Variants in SMAD2 observed in about 807,000 individuals in gnomAD.
SMAD2 encodes SMAD family member 2, also known as MAD homolog 2.
Under a neutral mutation model 64.4 loss-of-function variants are expected in SMAD2, and 8 were observed. The ratio of observed to expected loss-of-function variants is 0.12; its 90% CI spans 0.07 to 0.22. The LOEUF (loss-of-function observed/expected upper bound fraction) is 0.22. Among genes scored for constraint, SMAD2 ranks in the 10% least tolerant of loss-of-function variants. The pLI is 1.00. For missense variants in SMAD2, 289 were observed against 561.2 expected (o/e 0.51, Z 4.90); for synonymous variants, 203 against 195.8 (o/e 1.04, Z -0.31).
At position 47,829,167 on chromosome 18, in the gene SMAD2, G is replaced by C. The variant is rs1348952960; in HGVS notation, c.*12660C>G. ...AGAAGACGTGGCAATGCACCTGATG[G>C]AGACGTTTAATTTCTTCACTACAAG... On this transcript the variant is annotated 3_prime_UTR_variant, in exon 11 of 11. Coordinates refer to ENST00000262160, the MANE Select transcript of SMAD2 (RefSeq NM_005901.6). 1 of 152,032 alleles carries C rather than the reference G, an allele frequency of 6.6e-6. No individual in the cohort carries two copies. The highest frequency in any genetic ancestry group is 2.4e-5 in the African/African-American group (1 of 41,396). 9.4% of individuals were successfully genotyped at this position (152,032 alleles called of 1,614,324 possible).
Position 47,820,386 on chromosome 18 carries a change from G to T in SMAD2, c.*21441C>A, listed in dbSNP as rs1912527237. 6.6e-6 allele frequency: 1 copy of T among 152,100 alleles called. No homozygotes were observed. Among genetic ancestry groups the T allele is most frequent in the Non-Finnish European group, 1.5e-5 (1 of 68,006 alleles). 9.4% of individuals were successfully genotyped at this position (152,100 alleles called of 1,614,324 possible). ...TGTACCCAAAAAAAGATGTTTTGAT[G>T]AGAAAAGTTATAAGGCATAAAAATT... On this transcript the variant is annotated 3_prime_UTR_variant, in exon 11 of 11. Transcript: ENST00000262160.
intron 1 of SMAD2, among the ~76,000 whole-genome samples, chr18:47,906,048 G>A (rs547455956): frequency 2.5e-4 from 38 of 152,034 alleles, no homozygotes; most frequent in Non-Finnish European, 1.6e-4. Flanking sequence ...CAGGGGTGCG[G>A]AGGCTGCAGT....
chr18:47,904,013 A>C (rs2033804016), intron 1 of SMAD2, among the ~76,000 whole-genome samples: 1 of 151,978 alleles, frequency 6.6e-6, no homozygotes, highest in Non-Finnish European at 1.5e-5. Flanking sequence ...AAGAGATGAC[A>C]GATATTAATC....
intron 2 of SMAD2, among the ~76,000 whole-genome samples, chr18:47,872,955 A>T (rs2144392923): frequency 6.6e-6 from 1 of 152,290 alleles, no homozygotes; most frequent in East Asian, 1.9e-4. Flanking sequence ...TTGACCTCCC[A>T]GCCTCAAGTA....
intron 1 of SMAD2, among the ~76,000 whole-genome samples, chr18:47,899,058 G>A (rs1435805327): frequency 1.3e-5 from 2 of 152,088 alleles, no homozygotes; most frequent in African/African-American, 4.8e-5. Context: ...GTTTTTAAGG[G>A]CAGAGAGATC....
Position 47,853,426 on chromosome 18 carries a change from C to T in SMAD2, c.731-2099G>A, listed in dbSNP as rs2030331770. The T allele has an allele frequency of 3.6e-5, 4 of 110,074 alleles. 1 individual carries two copies. The highest frequency in any genetic ancestry group is 5.6e-5 in the Non-Finnish European group (4 of 71,862). 6.8% of individuals were successfully genotyped at this position (110,074 alleles called of 1,614,324 possible). ...TACTCGATTGTCAAAGTCAAGGAGT[C>T]GCAGGTCGCCTCGCTTGAATCCAGG... On this transcript the variant is annotated intron_variant, in intron 6 of 10. Coordinates refer to ENST00000262160, the MANE Select transcript of SMAD2 (RefSeq NM_005901.6).
In SMAD2 at chr18:47,840,483, A is replaced by C; in HGVS notation, c.*1344T>G. The C allele has an allele frequency of 4.3e-6, 1 of 232,690 alleles. No individual in the cohort carries two copies. Among genetic ancestry groups the C allele is most frequent in the Non-Finnish European group, 8.5e-6 (1 of 117,646 alleles). The allele number at this position is 232,690 out of a possible 1,614,324, so 14.4% of individuals were successfully genotyped here. On this transcript the variant is annotated 3_prime_UTR_variant, in exon 11 of 11. Transcript: ENST00000262160. ...ATCAGTTAAGAACAGCTCAGACTGCAGGTAACTTATAAGCTAAAAAACTTG... is the reference window on the plus strand; with the variant it reads ...ATCAGTTAAGAACAGCTCAGACTGCCGGTAACTTATAAGCTAAAAAACTTG...
Position 47,839,878 on chromosome 18 carries a change from A to G in SMAD2, c.*1949T>C, listed in dbSNP as rs1913774173. 4.3e-6 allele frequency: 1 copy of G among 233,016 alleles called. No individual in the cohort carries two copies. The highest frequency in any genetic ancestry group is 2.2e-5 in the African/African-American group (1 of 45,314). 14.4% of individuals were successfully genotyped at this position (233,016 alleles called of 1,614,324 possible). On this transcript the variant is annotated 3_prime_UTR_variant, in exon 11 of 11. Coordinates refer to ENST00000262160, the MANE Select transcript of SMAD2 (RefSeq NM_005901.6). ...GTTAGCTCATGCATCCTTTCCTTAG[A>G]GGCTTTCCTTGATGTCCTACCTGAA...
rs189376447 is a variant in SMAD2, at chr18:47,869,165, G to A, written c.520+78C>T. On this transcript the variant is annotated intron_variant, in intron 4 of 10. Transcript: ENST00000262160. ...TTAGAATTTACACTAAAATTTTCCT[G>A]GGTCACAAGAGTACTTAAATATACT... 2.1e-5 allele frequency: 21 copies of A among 1,008,306 alleles called. No homozygotes were observed. In the African/African-American group the frequency reaches 3.0e-4, roughly 15 times the overall value. 62.5% of individuals were successfully genotyped at this position (1,008,306 alleles called of 1,614,324 possible). A position where few individuals can be genotyped will look rare whatever the true frequency, so the allele number is the denominator to read the frequency against.
Position 47,815,476 on chromosome 18 carries a change from C to T in SMAD2, c.*26351G>A, listed in dbSNP as rs1252625074. On this transcript the variant is annotated 3_prime_UTR_variant, in exon 11 of 11. Transcript: ENST00000262160. ...TTTGGGTTTTCTGAAAATGCAGATC[C>T]CAGTGCTCCAATTCCAGACCTGCTA... 1 of 152,184 alleles carries T rather than the reference C, an allele frequency of 6.6e-6. No homozygotes were observed. Among genetic ancestry groups the T allele is most frequent in the Non-Finnish European group, 1.5e-5 (1 of 68,028 alleles). 9.4% of individuals were successfully genotyped at this position (152,184 alleles called of 1,614,324 possible).
At chr18:47,843,170 A>T (rs1205468272) in intron 10 of SMAD2, among the ~76,000 whole-genome samples, 1 of 152,210 alleles carries the variant, frequency 6.6e-6, no homozygotes, top group African/African-American at 2.4e-5. Context: ...TGATATACCC[A>T]AAAAGGCTAG....
Position 47,832,439 on chromosome 18 carries a change from C to T in SMAD2, c.*9388G>A, listed in dbSNP as rs1913032515. On this transcript the variant is annotated 3_prime_UTR_variant, in exon 11 of 11. Coordinates refer to ENST00000262160, the MANE Select transcript of SMAD2 (RefSeq NM_005901.6). ...TAATAAAAAAGTGTTGATAAAACTA[C>T]ACCAGTCCCAAGGCTATTCAATGCC... 1 of 152,164 alleles carries T rather than the reference C, an allele frequency of 6.6e-6. No homozygotes were observed. The highest frequency in any genetic ancestry group is 2.1e-4 in the South Asian group (1 of 4,830). 9.4% of individuals were successfully genotyped at this position (152,164 alleles called of 1,614,324 possible).
In SMAD2 at chr18:47,898,949, T is replaced by C. The variant is rs543781522; in HGVS notation, c.-53-2140A>G. Among the ~76,000 whole-genome samples, 260 of 152,180 alleles carry C rather than the reference T, an allele frequency of 1.7e-3. 1 individual carries two copies. The highest frequency in any genetic ancestry group is 2.8e-3 in the Non-Finnish European group (189 of 67,996). ...CCTGTTTATTCTCAAATCCAGTCTG[T>C]GTTATTCATCTGCAAACTACACTGT... On this transcript the variant is annotated intron_variant, in intron 1 of 10. Transcript: ENST00000262160.
At chr18:47,887,645 T>C (rs1273126535) in intron 2 of SMAD2, among the ~76,000 whole-genome samples, 1 of 152,204 alleles carries the variant, frequency 6.6e-6, no homozygotes, top group Non-Finnish European at 1.5e-5. Context: ...TTCTTCCACC[T>C]TTGACCCATC....
In SMAD2 at chr18:47,838,051, G is replaced by A. The variant is rs1913599974; in HGVS notation, c.*3776C>T. 1 of 232,984 alleles carries A rather than the reference G, an allele frequency of 4.3e-6. No homozygotes were observed. The highest frequency in any genetic ancestry group is 2.2e-5 in the African/African-American group (1 of 45,276). 14.4% of individuals were successfully genotyped at this position (232,984 alleles called of 1,614,324 possible). On this transcript the variant is annotated 3_prime_UTR_variant, in exon 11 of 11. Coordinates refer to ENST00000262160, the MANE Select transcript of SMAD2 (RefSeq NM_005901.6). ...AGGTATATATGGGAAGCTTTTAAGA[G>A]GTAGAGAAACCAACTGGGTATATAT...
chr18:47,910,279 C>T (rs977669250), intron 1 of SMAD2, among the ~76,000 whole-genome samples: 10 of 151,820 alleles, frequency 6.6e-5, no homozygotes, highest in East Asian at 1.9e-4. Context: ...CAGAAGACGA[C>T]GTAACAGAGA....
chr18:47,872,219 T>C (rs1473701612), intron 2 of SMAD2, among the ~76,000 whole-genome samples: 1 of 152,192 alleles, frequency 6.6e-6, no homozygotes, highest in East Asian at 1.9e-4. Context: ...CCTAACAAAA[T>C]TGGAAGGTTT....
rs545280347 is a variant in SMAD2, at chr18:47,841,205, G to T, written c.*622C>A. The stretch of plus-strand genomic sequence containing the variant: ...AAAGAATGACTGTTTAAGCCCCACT[G>T]AACACATTAAGGTCAAGGATTTCAA... On this transcript the variant is annotated 3_prime_UTR_variant, in exon 11 of 11. Coordinates refer to ENST00000262160, the MANE Select transcript of SMAD2 (RefSeq NM_005901.6). 138 of 231,752 alleles carry T rather than the reference G, an allele frequency of 6.0e-4. No individual in the cohort carries two copies. The highest frequency in any genetic ancestry group is 3.9e-3 in the Middle Eastern group (3 of 778). The allele number at this position is 231,752 out of a possible 1,614,324, so 14.4% of individuals were successfully genotyped here.
rs1289496077 is a variant in SMAD2 at position 47,836,204 on chromosome 18, T to C, written c.*5623A>G. On this transcript the variant is annotated 3_prime_UTR_variant, in exon 11 of 11. Coordinates refer to ENST00000262160, the MANE Select transcript of SMAD2 (RefSeq NM_005901.6). ...TAAGATACTAGAAAATTTGACCTTG[T>C]AGTAGTATTTCCCAGGGTAACTTAA... The C allele has an allele frequency of 9.0e-6, 2 of 222,558 alleles. No homozygotes were observed. The highest frequency in any genetic ancestry group is 1.8e-5 in the Non-Finnish European group (2 of 111,478). 13.8% of individuals were successfully genotyped at this position (222,558 alleles called of 1,614,324 possible).
Sources: allele counts gnomAD v4.1 joint callset (sites outside exome capture counted in the v4.1 genomes callset), GRCh38; gene constraint gnomAD v4.1.1; transcripts MANE v1.5; gene names NCBI Gene and HGNC (gene_info 2026-07-23, HGNC 2026-07-21).